The following DLG2 variants were observed in gnomAD, a reference collection of about 807,000 sequenced individuals.
The protein encoded by DLG2 is discs large MAGUK scaffold protein 2, also known as disks large homolog 2.
DLG2 carries 45 observed loss-of-function variants against 132.5 expected under a neutral mutation model. That is an observed-to-expected ratio of 0.34 (90% CI 0.27 to 0.44). The LOEUF is 0.44. Among genes scored for constraint, DLG2 ranks in the 20% least tolerant of loss-of-function variants. The pLI, the probability that DLG2 is intolerant of heterozygous loss-of-function variation, is 1.00. For synonymous variants in DLG2, 424 were observed against 419.6 expected (o/e 1.01, Z -0.13); for missense variants, 1,045 against 1,196.9 (o/e 0.87, Z 1.87).
chr11:83,988,487 T>G (rs181208496), intron 11 of DLG2, among the ~76,000 whole-genome samples: 7 of 152,314 alleles, frequency 4.6e-5, no homozygotes, highest in Admixed American at 1.3e-4. Context: ...ATTGAATGTA[T>G]AAATTACTTT....
At chr11:85,038,544 G>A (rs1465489994) in intron 6 of DLG2, among the ~76,000 whole-genome samples, 1 of 151,902 alleles carries the variant, frequency 6.6e-6, no homozygotes, top group African/African-American at 2.4e-5. Context: ...TCTCCATATC[G>A]TGCTTCCACT....
intron 25 of DLG2, among the ~76,000 whole-genome samples, chr11:83,467,794 T>TAC (rs2091363802): frequency 9.5e-6 from 1 of 104,896 alleles, no homozygotes; most frequent in Non-Finnish European, 1.9e-5. Flanking sequence ...TATATATATA[T>TAC]ATATATATAT....
In DLG2 at chr11:83,737,703, C is replaced by T. The variant is rs572277377; in HGVS notation, c.1825+48987G>A. On this transcript the variant is annotated intron_variant, in intron 18 of 27. Transcript: ENST00000376104. Reference sequence around the variant, plus strand: ...GTGTGGTGGCTCACGCCTGTAATCCCAGCACTTTGGGAGGCCAAGGCAGGT... The same window carrying T: ...GTGTGGTGGCTCACGCCTGTAATCCTAGCACTTTGGGAGGCCAAGGCAGGT... Among the ~76,000 whole-genome samples the T allele has an allele frequency of 7.9e-5, 12 of 152,236 alleles. No individual in the cohort carries two copies. In the East Asian group the frequency reaches 2.3e-3, roughly 29 times the overall value.
Position 85,012,853 on chromosome 11 carries a change from C to G in DLG2, c.357+98808G>C, listed in dbSNP as rs186030893. Reference sequence around the variant, plus strand: ...AAAAAACTTGATTTGAATTCCAGCACTGACACTTAGATGTTAGGTGACTTT... The same window carrying G: ...AAAAAACTTGATTTGAATTCCAGCAGTGACACTTAGATGTTAGGTGACTTT... On this transcript the variant is annotated intron_variant, in intron 6 of 27. Coordinates refer to ENST00000376104, the MANE Select transcript of DLG2 (RefSeq NM_001142699.3). 6.6e-5 allele frequency among the ~76,000 whole-genome samples: 10 copies of G among 152,228 alleles called. No homozygotes were observed. The East Asian group carries it at 1.9e-3, about 29-fold the overall frequency.
At chr11:84,846,289 A>T (rs1205505002) in intron 6 of DLG2, among the ~76,000 whole-genome samples, 2 of 152,126 alleles carry the variant, frequency 1.3e-5, no homozygotes, top group African/African-American at 4.8e-5. Context: ...AGTCCAAAAC[A>T]GAACTATAGG....
chr11:84,988,476 A>G (rs1203596072), intron 6 of DLG2, among the ~76,000 whole-genome samples: 2 of 152,242 alleles, frequency 1.3e-5, no homozygotes, highest in African/African-American at 4.8e-5. Context: ...ATGCCCATAA[A>G]TCAATGAGTG....
At chr11:84,097,020 A>C (rs1038214381) in intron 10 of DLG2, among the ~76,000 whole-genome samples, 1 of 152,222 alleles carries the variant, frequency 6.6e-6, no homozygotes, top group Admixed American at 6.5e-5. Flanking sequence ...CATAAGAAAA[A>C]CAGCAAAGTA....
At chr11:84,524,043 GGAA>G (rs1227500926) in intron 7 of DLG2, among the ~76,000 whole-genome samples, 6 of 152,030 alleles carry the variant, frequency 3.9e-5, no homozygotes, top group South Asian at 2.1e-4. Flanking sequence ...GGGCCACATT[GGAA>G]GAAGAAGAAT....
chr11:85,385,368 G>C (rs1383109728), intron 3 of DLG2, among the ~76,000 whole-genome samples: 1 of 152,066 alleles, frequency 6.6e-6, no homozygotes, highest in Non-Finnish European at 1.5e-5. Flanking sequence ...AGCAGCTATA[G>C]GTTTTTTGTT....
At chr11:84,697,021 A>AG (rs1467779489) in intron 6 of DLG2, among the ~76,000 whole-genome samples, 3 of 151,410 alleles carry the variant, frequency 2.0e-5, no homozygotes, top group Non-Finnish European at 3.0e-5. Flanking sequence ...TTTGGGGCTA[A>AG]GGGAAATAGA....
chr11:83,975,950 A>T (rs1222961907), intron 12 of DLG2, among the ~76,000 whole-genome samples: 1 of 151,948 alleles, frequency 6.6e-6, no homozygotes, highest in Non-Finnish European at 1.5e-5. Flanking sequence ...AGGAGGTTCT[A>T]TGAGAGGTCA....
intron 6 of DLG2, among the ~76,000 whole-genome samples, chr11:85,053,526 C>T (rs1038662377): frequency 2.0e-5 from 3 of 151,346 alleles, no homozygotes; most frequent in Non-Finnish European, 4.4e-5. Flanking sequence ...TGGTGGCTCA[C>T]GCCTGTAATC....
At chr11:85,460,986 G>C (rs1597515475) in intron 3 of DLG2, among the ~76,000 whole-genome samples, 1 of 151,874 alleles carries the variant, frequency 6.6e-6, no homozygotes, top group African/African-American at 2.4e-5. Flanking sequence ...TCATTTATTG[G>C]CCTTCATTAG....
rs145157493 is a variant in DLG2, at chr11:83,768,172, T to G, written c.1825+18518A>C. Among the ~76,000 whole-genome samples, 378 of 152,322 alleles carry G rather than the reference T, an allele frequency of 2.5e-3. 2 individuals are homozygous for G. Among genetic ancestry groups the G allele is most frequent in the South Asian group, 9.1e-3 (44 of 4,824 alleles). On this transcript the variant is annotated intron_variant, in intron 18 of 27. Coordinates refer to ENST00000376104, the MANE Select transcript of DLG2 (RefSeq NM_001142699.3). Reference sequence around the variant, plus strand: ...TTTTCTTATACAAAAGAAAAAATTTTGCTGCTGCCTAAAGTCAGACTGATT... The same window carrying G: ...TTTTCTTATACAAAAGAAAAAATTTGGCTGCTGCCTAAAGTCAGACTGATT...
At chr11:83,497,495 A>G (rs1045283545) in intron 21 of DLG2, among the ~76,000 whole-genome samples, 7 of 151,988 alleles carry the variant, frequency 4.6e-5, no homozygotes, top group African/African-American at 1.7e-4. Context: ...AGATCACACC[A>G]TTGCACTCCA....
intron 17 of DLG2, among the ~76,000 whole-genome samples, chr11:83,818,586 G>A (rs754212774): frequency 3.3e-5 from 5 of 152,172 alleles, no homozygotes; most frequent in Admixed American, 6.5e-5. Context: ...CCCCTATCAA[G>A]TTCGTTGTAG....
At chr11:83,507,013 G>A (rs1312816309) in intron 21 of DLG2, among the ~76,000 whole-genome samples, 2 of 152,026 alleles carry the variant, frequency 1.3e-5, no homozygotes, top group Non-Finnish European at 2.9e-5. Context: ...AGAATCCCTG[G>A]GTTCATCCTT....
At chr11:84,379,981 C>T (rs2098743586) in intron 7 of DLG2, among the ~76,000 whole-genome samples, 1 of 151,630 alleles carries the variant, frequency 6.6e-6, no homozygotes, top group Non-Finnish European at 1.5e-5. Context: ...TAAAGTAACA[C>T]AACTAAATAT....
At chr11:83,759,561 G>A (rs1471881276) in intron 18 of DLG2, among the ~76,000 whole-genome samples, 2 of 151,966 alleles carry the variant, frequency 1.3e-5, no homozygotes, top group Non-Finnish European at 1.5e-5. Flanking sequence ...ATTTAGAGTA[G>A]TTCCTCCCTG....
Sources: allele counts gnomAD v4.1 joint callset (sites outside exome capture counted in the v4.1 genomes callset), GRCh38; gene constraint gnomAD v4.1.1; transcripts MANE v1.5; gene names NCBI Gene and HGNC (gene_info 2026-07-23, HGNC 2026-07-21).